The following POLR2F variants were observed in gnomAD, a reference collection of about 807,000 sequenced individuals.
POLR2F encodes the protein RNA polymerase II, I and III subunit F.
A neutral mutation model predicts 22.7 loss-of-function variants in POLR2F; 12 were observed. The ratio of observed to expected loss-of-function variants is 0.53; its 90% confidence interval spans 0.34 to 0.86. The LOEUF is 0.86. Ranked by LOEUF, POLR2F falls within the 40% of genes least tolerant of loss-of-function variation. The probability of loss-of-function intolerance (pLI) is 0.02; values close to 1 mark genes in which losing one functional copy is unlikely to be tolerated. For missense variants in POLR2F, 126 were observed against 171.5 expected (o/e 0.73, Z 1.48); for synonymous variants, 57 against 66.0 (o/e 0.86, Z 0.66).
chr22:38,004,644 T>G (rs1430060871), intron 1 of POLR2F, among the ~76,000 whole-genome samples: 2 of 152,076 alleles, frequency 1.3e-5, no homozygotes, highest in African/African-American at 4.8e-5. Flanking sequence ...TAAAACCCAG[T>G]GTCAAAAACC....
In POLR2F at chr22:37,968,833, T is replaced by G. The variant is rs1931958318; in HGVS notation, c.*1118T>G. The stretch of plus-strand genomic sequence containing the variant: ...GGTGCAGCCTGGCCCTGGGATGGGA[T>G]GTGGGGAGTGAATGGTGAGGATCTG... On this transcript the variant is annotated 3_prime_UTR_variant, in exon 5 of 5. Coordinates refer to ENST00000442738, the MANE Select transcript of POLR2F (RefSeq NM_021974.5). The G allele has an allele frequency of 3.0e-6, 3 of 985,278 alleles. No homozygotes were observed. Among genetic ancestry groups the G allele is most frequent in the South Asian group, 9.4e-5 (2 of 21,286 alleles). The allele number at this position is 985,278 out of a possible 1,614,324, so 61.0% of individuals were successfully genotyped here. A position where few individuals can be genotyped will look rare whatever the true frequency, so the allele number is the denominator to read the frequency against.
chr22:38,021,974 T>C (rs969675304), intron 1 of POLR2F, among the ~76,000 whole-genome samples: 3 of 146,964 alleles, frequency 2.0e-5, no homozygotes, highest in African/African-American at 7.6e-5. Flanking sequence ...CTACTAAAAA[T>C]ACAAAAATTA....
In POLR2F at chr22:37,980,128, G is replaced by A. The variant is rs1228401396; in HGVS notation, c.293+12958G>A. On this transcript the variant is annotated intron_variant, in intron 4 of 4. Coordinates refer to the POLR2F transcript ENST00000405557. The surrounding 1 kb of genome is among the most constrained non-coding windows in gnomAD (Gnocchi z 4.1). ...CAGCCGAGACTCTGTCAGAGTCAGT[G>A]TACACACTTAGGACAAAGATGCCGG... Among the ~76,000 whole-genome samples, 1 of 152,144 alleles carries A rather than the reference G, an allele frequency of 6.6e-6. No homozygotes were observed. The highest frequency in any genetic ancestry group is 1.5e-5 in the Non-Finnish European group (1 of 68,030).
chr22:37,988,538 C>T (rs996546771), intron 1 of POLR2F, among the ~76,000 whole-genome samples: 2 of 151,956 alleles, frequency 1.3e-5, no homozygotes, highest in African/African-American at 2.4e-5. Flanking sequence ...GTAATCCCAG[C>T]TACGTGGGAG....
At chr22:37,984,354 C>T (rs1932505141), upstream of POLR2F, 1 of 152,560 alleles carries the variant, frequency 6.6e-6, no homozygotes, top group Non-Finnish European at 1.5e-5. The surrounding 1 kb of genome is among the most constrained non-coding windows in gnomAD (Gnocchi z 4.4). Context: ...CGGACCTCTC[C>T]TCCAGTCTGG....
chr22:37,981,902 G>A (rs1932408834), upstream of POLR2F, among the ~76,000 whole-genome samples: 1 of 152,114 alleles, frequency 6.6e-6, no homozygotes, highest in African/African-American at 2.4e-5. Flanking sequence ...GCAGGGGAAG[G>A]GGCACCAGGT....
downstream of POLR2F, chr22:37,972,498 G>A (rs1374519005): frequency 3.2e-6 from 1 of 314,444 alleles, no homozygotes; most frequent in African/African-American, 2.2e-5. Flanking sequence ...AAATACCACT[G>A]GGAGGCAAGG....
intron 1 of POLR2F, among the ~76,000 whole-genome samples, chr22:37,989,538 C>T (rs1387368527): frequency 6.6e-6 from 1 of 152,200 alleles, no homozygotes; most frequent in Non-Finnish European, 1.5e-5. Context: ...TGCCATGCCC[C>T]TTAACAGCGA....
downstream of POLR2F, among the ~76,000 whole-genome samples, chr22:38,028,939 A>T (rs2085040722): frequency 6.6e-6 from 1 of 152,220 alleles, no homozygotes; most frequent in African/African-American, 2.4e-5. Context: ...ATTGATGGGC[A>T]CTTATGGGTG....
intron 1 of POLR2F, among the ~76,000 whole-genome samples, chr22:38,022,551 C>CAA (rs376987789): frequency 9.5e-4 from 53 of 55,742 alleles, no homozygotes; most frequent in African/African-American, 1.9e-3. Flanking sequence ...AACGCTGTCT[C>CAA]AAAAAAAAAA....
chr22:38,035,816 C>T (rs2085110492), intron 5 of POLR2F, among the ~76,000 whole-genome samples: 1 of 152,162 alleles, frequency 6.6e-6, no homozygotes, highest in Non-Finnish European at 1.5e-5. Context: ...GTTGCAGCCT[C>T]ACGTCTCAGA....
At chr22:37,961,470 T>C (rs1931638617) in intron 3 of POLR2F, among the ~76,000 whole-genome samples, 1 of 152,142 alleles carries the variant, frequency 6.6e-6, no homozygotes, top group African/African-American at 2.4e-5. Flanking sequence ...TGGTGGGGTT[T>C]TGGGGATTTG....
chr22:38,039,245 A>G (rs950887920), intron 5 of POLR2F, among the ~76,000 whole-genome samples: 1 of 152,156 alleles, frequency 6.6e-6, no homozygotes, highest in East Asian at 1.9e-4. Flanking sequence ...CCTAAAACCA[A>G]ATGTACCGGA....
intron 1 of POLR2F, among the ~76,000 whole-genome samples, chr22:37,996,399 G>A (rs1258036657): frequency 6.6e-6 from 1 of 152,218 alleles, no homozygotes; most frequent in Non-Finnish European, 1.5e-5. Context: ...ACAGCCCCAG[G>A]CCTTGGCACT....
intron 3 of POLR2F, among the ~76,000 whole-genome samples, chr22:37,962,257 A>AG (rs906956305): frequency 6.6e-6 from 1 of 151,970 alleles, no homozygotes; most frequent in Admixed American, 6.6e-5. Context: ...CAAAAAAAAA[A>AG]CAAAGGAAAG....
At chr22:37,983,812 C>A, upstream of POLR2F, 1 of 1,406,282 alleles carries the variant, frequency 7.1e-7, no homozygotes, top group Admixed American at 2.7e-5. The surrounding 1 kb of genome is among the most constrained non-coding windows in gnomAD (Gnocchi z 9.5). Flanking sequence ...CCGCCGCCGC[C>A]TCGGCCGCCT....
chr22:37,978,072 G>A lies in POLR2F; in HGVS notation c.293+10902G>A. The A allele has an allele frequency of 6.2e-7, 1 of 1,608,714 alleles. No individual in the cohort carries two copies. Among genetic ancestry groups the A allele is most frequent in the Non-Finnish European group, 8.5e-7 (1 of 1,178,310 alleles). ...ACTTGTAGTCCGGGTGGTCTTTCTTGTGCTGCATACGGAGCCGCTCAGCCT... is the reference window on the plus strand; with the variant it reads ...ACTTGTAGTCCGGGTGGTCTTTCTTATGCTGCATACGGAGCCGCTCAGCCT... On this transcript the variant is annotated intron_variant, in intron 4 of 4. Coordinates refer to the POLR2F transcript ENST00000405557. This position sits in a 1 kb window ranked among gnomAD's most constrained non-coding sequence, Gnocchi z 5.0.
At chr22:38,034,851 G>A (rs1289683734) in intron 5 of POLR2F, among the ~76,000 whole-genome samples, 2 of 152,264 alleles carry the variant, frequency 1.3e-5, no homozygotes, top group African/African-American at 2.4e-5. Flanking sequence ...GGGAGCTTTC[G>A]GCCCAGGGCT....
rs760391878 is a variant in POLR2F at position 37,997,534 on chromosome 22, G to T, written c.120+11222G>T. ...TCCTGTGCCACCTCTCATCTGCCCT[G>T]CCTCTGTAAATGTGGGGAGGACCCT... On this transcript the variant is annotated intron_variant, in intron 1 of 2. Transcript: ENST00000333418. The surrounding 1 kb of genome is among the most constrained non-coding windows in gnomAD (Gnocchi z 4.4). 1.8e-4 allele frequency among the ~76,000 whole-genome samples: 28 copies of T among 152,090 alleles called. No homozygotes were observed. The highest frequency in any genetic ancestry group is 4.1e-4 in the South Asian group (2 of 4,826).
Sources: gnomAD v4.1 joint callset for allele counts (sites outside exome capture counted in the v4.1 genomes callset) on GRCh38, gnomAD v4.1.1 for gene constraint, Gnocchi (gnomAD v3.1) non-coding constraint, MANE v1.5 for transcripts, NCBI Gene and HGNC (gene_info 2026-07-23, HGNC 2026-07-21) for gene names.